PODNL1: variants seen among roughly 807,000 people sequenced by gnomAD.
PODNL1 encodes the protein podocan like 1.
Under a neutral mutation model 45.1 loss-of-function variants are expected in PODNL1, and 50 were observed. The observed-to-expected ratio is 1.11, with a 90% CI of 0.88 to 1.40. PODNL1 has a LOEUF of 1.40. Among genes scored for constraint, PODNL1 ranks in the 40% most tolerant of loss-of-function variants. The pLI is 0.00. For missense variants in PODNL1, 788 were observed against 793.3 expected (o/e 0.99, Z 0.08); for synonymous variants, 406 against 372.5 (o/e 1.09, Z -1.04).
intron 1 of PODNL1, chr19:13,952,600 G>GGGC (rs1973104839): frequency 3.2e-6 from 4 of 1,266,554 alleles, no homozygotes; most frequent in Non-Finnish European, 4.0e-6. Context: ...GCGGGCAGCA[G>GGGC]GGCGGCGGCG....
rs754277907 is a variant in PODNL1 at position 13,933,175 on chromosome 19, G to A, written c.1048C>T (p.Pro350Ser). The A allele has an allele frequency of 2.6e-6, 4 of 1,533,050 alleles. No individual in the cohort carries two copies. Among genetic ancestry groups the A allele is most frequent in the Non-Finnish European group, 2.6e-6 (3 of 1,144,812 alleles). The allele number at this position is 1,533,050 out of a possible 1,614,324, so 95.0% of individuals were successfully genotyped here. The change falls in exon 8 of 10, where the codon CCC becomes TCC. Residue 350 changes from proline (P) to serine (S), a missense_variant. Around this residue, in one of 3 missense-constraint regions of PODNL1, gnomAD observed 762 missense variants for 750.9 expected, o/e 1.01. Transcript: ENST00000588872. This position sits in a 1 kb window ranked among gnomAD's most constrained non-coding sequence, Gnocchi z 5.2. ...NGLDRVPPAL[P>S]RRLRALVLPH... ...AGCACCAGGGCACGCAGGCGGCGGG[G>A]CAGGGCTGGAGGCACGCGGTCCAGC...
chr19:13,951,402 G>C (rs1973022551), intron 1 of PODNL1, among the ~76,000 whole-genome samples: 1 of 152,166 alleles, frequency 6.6e-6, no homozygotes, highest in South Asian at 2.1e-4. Context: ...TTGGGAAGCA[G>C]AGGTGGGAGG....
chr19:13,934,485 C>A lies in PODNL1; in HGVS notation c.495-75G>T. The A allele has an allele frequency of 3.6e-6, 5 of 1,399,402 alleles. No homozygotes were observed. The South Asian group carries it at 7.7e-5, about 22-fold the overall frequency. The allele number at this position is 1,399,402 out of a possible 1,614,324, so 86.7% of individuals were successfully genotyped here. On this transcript the variant is annotated intron_variant, in intron 5 of 9. Transcript: ENST00000588872. Reference sequence around the variant, plus strand: ...CCCCACTCCCGCACCACACCCTGCTCAGGGTCGCCTTCAGTGTGTGTGTGT... The same window carrying A: ...CCCCACTCCCGCACCACACCCTGCTAAGGGTCGCCTTCAGTGTGTGTGTGT...
chr19:13,941,536 C>T (rs1028383013), upstream of PODNL1, among the ~76,000 whole-genome samples: 1 of 151,544 alleles, frequency 6.6e-6, no homozygotes, highest in African/African-American at 2.4e-5. Context: ...AGTGGCTGGG[C>T]GCAGTGGCCC....
At chr19:13,939,323 C>G (rs551010888), upstream of PODNL1, among the ~76,000 whole-genome samples, 35 of 152,206 alleles carry the variant, frequency 2.3e-4, no homozygotes, top group South Asian at 7.0e-3. Context: ...GTGATTCTCC[C>G]GCCTCAGCCT....
intron 5 of PODNL1, 42 bp from the exon 6 acceptor site, chr19:13,934,452 T>TC: frequency 6.8e-7 from 1 of 1,460,466 alleles, no homozygotes; most frequent in Non-Finnish European, 9.0e-7. Flanking sequence ...GCCCCTCGCC[T>TC]CCTACCACCC....
At position 13,951,049 on chromosome 19, in the gene PODNL1, C is replaced by CAA. The variant is rs59269074; in HGVS notation, c.18+2068_18+2069dup. 9.6e-3 allele frequency among the ~76,000 whole-genome samples: 639 copies of CAA among 66,394 alleles called. 7 individuals carry two copies. The highest frequency in any genetic ancestry group is 0.024 in the African/African-American group (408 of 16,660). The allele number at this position is 66,394 out of a possible 152,430, so 43.6% of individuals were successfully genotyped here. On this transcript the variant is annotated intron_variant, in intron 1 of 7. Transcript: ENST00000538371. ...GGGCAACAAGAGCAAAACTCCATCTCAAAAAAAAAAAAAAAAAAAAAGATA... is the reference window on the plus strand; with the variant it reads ...GGGCAACAAGAGCAAAACTCCATCTCAAAAAAAAAAAAAAAAAAAAAAAGATA...
Position 13,936,456 on chromosome 19 carries a change from T to C in PODNL1, c.230A>G (p.Asn77Ser), listed in dbSNP as rs750658065. Reference protein sequence around the residue: ...RAAQHLSLQNNQLQELPYNEL... With the variant: ...RAAQHLSLQNSQLQELPYNEL... ...ATTGTAGGGGAGTTCCTGGAGCTGGTTGTTCTGCAGGGTGAGAGTTGGGGT... is the reference window on the plus strand; with the variant it reads ...ATTGTAGGGGAGTTCCTGGAGCTGGCTGTTCTGCAGGGTGAGAGTTGGGGT... The change falls in exon 3 of 10, where the codon AAC becomes AGC. Residue 77 changes from asparagine to serine, a missense_variant. Physicochemically the swap from Asn to Ser is conservative, Grantham distance 46. Coordinates refer to ENST00000588872, the MANE Select transcript of PODNL1 (RefSeq NM_001370095.3). The C allele has an allele frequency of 3.7e-6, 6 of 1,612,540 alleles. No homozygotes were observed. In the African/African-American group the frequency reaches 5.4e-5, roughly 14 times the overall value.
rs779999493 is a variant in PODNL1, at chr19:13,932,795, G to C, written c.1425+3C>G. ...CAGTGTGGCTAACCAGCCTGTGCCT[G>C]ACCTGGAGGGCTTGGAGCTCATGCC... is the stretch of plus-strand genomic sequence containing the variant. On this transcript the variant is annotated splice_donor_region_variant and intron_variant, in intron 8 of 9. Transcript: ENST00000588872. 3.7e-6 allele frequency: 6 copies of C among 1,612,908 alleles called. No individual in the cohort carries two copies. The highest frequency in any genetic ancestry group is 1.3e-5 in the African/African-American group (1 of 74,938).
intron 1 of PODNL1, among the ~76,000 whole-genome samples, chr19:13,950,280 G>A (rs746829523): frequency 3.4e-4 from 52 of 152,134 alleles, no homozygotes; most frequent in Non-Finnish European, 6.2e-4. Flanking sequence ...TAATCTTTCT[G>A]CCTCAGCCTC....
rs1359548757 is a variant in PODNL1, at chr19:13,937,930, T to G, written c.80A>C (p.His27Pro). The G allele has an allele frequency of 3.3e-5, 51 of 1,552,000 alleles. No individual in the cohort carries two copies. Among genetic ancestry groups the G allele is most frequent in the South Asian group, 7.1e-5 (6 of 84,364 alleles). Residue 27 changes from histidine to proline, a missense_variant, in exon 2 of 10, where the codon CAC becomes CCC. By Grantham distance (77) the His-to-Pro change is moderately conservative (BLOSUM62 -2). Transcript: ENST00000588872. ...VAGLEDAAFP[H>P]LGESLQPLPR... The stretch of plus-strand genomic sequence containing the variant: ...CAGGGGCTGCAAGCTCTCCCCCAGG[T>G]GGGGGAAGGCAGCGTCTTCCAAGCC...
At chr19:13,936,300 G>A (rs1972344902) in intron 3 of PODNL1, 67 bp downstream of exon 3, 5 of 1,421,132 alleles carry the variant, frequency 3.5e-6, no homozygotes, top group African/African-American at 1.4e-5. Context: ...GCGGGGGAGG[G>A]GGATGGCAGC....
rs1480448177 is a variant in PODNL1 at position 13,933,526 on chromosome 19, G to C, written c.768-71C>G. On this transcript the variant is annotated intron_variant, in intron 7 of 9. Transcript: ENST00000588872. The surrounding 1 kb of genome is among the most constrained non-coding windows in gnomAD (Gnocchi z 5.2). ...GTGCCTGACAGATTTTGGCGGGGAG[G>C]CTGGGGAGTGGTCCTGAGACAGATT... The C allele has an allele frequency of 1.4e-6, 2 of 1,451,730 alleles. No individual in the cohort carries two copies. Among genetic ancestry groups the C allele is most frequent in the Non-Finnish European group, 1.8e-6 (2 of 1,085,900 alleles). 89.9% of individuals were successfully genotyped at this position (1,451,730 alleles called of 1,614,324 possible).
intron 1 of PODNL1, chr19:13,952,519 C>T: frequency 1.6e-6 from 2 of 1,249,988 alleles, no homozygotes; most frequent in African/African-American, 3.1e-5. Flanking sequence ...GAAAATGGCG[C>T]CCAGCTCGAA....
intron 1 of PODNL1, among the ~76,000 whole-genome samples, chr19:13,949,922 G>A (rs149909175): frequency 0.01 from 1,547 of 149,532 alleles, 22 homozygotes; most frequent in African/African-American, 0.036. Flanking sequence ...GTGCAGTGGC[G>A]TGATCTCGAC....
At position 13,933,039 on chromosome 19, in the gene PODNL1, C is replaced by T. The variant is rs941227990; in HGVS notation, c.1184G>A (p.Arg395Gln). The change falls in exon 8 of 10, where the codon CGG becomes CAG. Residue 395 changes from arginine (R) to glutamine (Q), a missense_variant. Physicochemically the swap from Arg to Gln is conservative, Grantham distance 43. This residue lies in a region of PODNL1 where 762 missense variants were observed against 750.9 expected (regional missense o/e 1.01). Transcript: ENST00000588872. The surrounding 1 kb of genome is among the most constrained non-coding windows in gnomAD (Gnocchi z 5.2). ...NRLASARVHHRAFRRLRALRS... is the reference protein window; with the variant it reads ...NRLASARVHHQAFRRLRALRS... ...CAGGGCACGCAACCGGCGGAAGGCC[C>T]GGTGGTGCACACGGGCGCTGGCCAG... 3.0e-5 allele frequency: 46 copies of T among 1,537,334 alleles called. No homozygotes were observed. The highest frequency in any genetic ancestry group is 3.9e-5 in the Admixed American group (2 of 51,014).
At position 13,938,405 on chromosome 19, in the gene PODNL1, G is replaced by A. The variant is rs549997749; in HGVS notation, c.-224C>T. On this transcript the variant is annotated 5_prime_UTR_variant, in exon 1 of 10. Transcript: ENST00000588872. ...GCAGGCGGCCGGATGGGGTGGTGAGGACAGGCCAGCCCGTCCCCTTGGTCC... is the reference window on the plus strand; with the variant it reads ...GCAGGCGGCCGGATGGGGTGGTGAGAACAGGCCAGCCCGTCCCCTTGGTCC... The A allele has an allele frequency of 4.4e-6, 6 of 1,376,896 alleles. No individual in the cohort carries two copies. In the Admixed American group the frequency reaches 9.2e-5, roughly 21 times the overall value. 85.3% of individuals were successfully genotyped at this position (1,376,896 alleles called of 1,614,324 possible). A position where few individuals can be genotyped will look rare whatever the true frequency, so the allele number is the denominator to read the frequency against.
chr19:13,952,697 G>A (rs1973112326), intron 1 of PODNL1: 2 of 1,296,022 alleles, frequency 1.5e-6, no homozygotes, highest in Non-Finnish European at 1.9e-6. Context: ...GAGTAGGGAC[G>A]AGGGAGGCGG....
Position 13,935,720 on chromosome 19 carries a change from C to A in PODNL1, c.494+1G>T, listed in dbSNP as rs142458800. 3.4e-4 allele frequency: 537 copies of A among 1,556,714 alleles called. No homozygotes were observed. Among genetic ancestry groups the A allele is most frequent in the Non-Finnish European group, 4.4e-4 (514 of 1,155,516 alleles). On this transcript the variant is annotated splice_donor_variant, in intron 5 of 9. Coordinates refer to ENST00000588872, the MANE Select transcript of PODNL1 (RefSeq NM_001370095.3). LOFTEE classifies it high-confidence loss of function. ...GGGGCCTGGGCTGGGCCAGGGTCTA[C>A]CTGAGTGCCGGCTTCTCCCCAAAGG...
Sources: allele counts gnomAD v4.1 joint callset (sites outside exome capture counted in the v4.1 genomes callset), GRCh38; gene constraint gnomAD v4.1.1; regional missense constraint gnomAD v4.1.1; non-coding constraint Gnocchi (gnomAD v3.1); transcripts MANE v1.5; gene names NCBI Gene and HGNC (gene_info 2026-07-23, HGNC 2026-07-21).